FAM168B: variants seen among roughly 807,000 people sequenced by gnomAD.
FAM168B encodes the protein myelin-associated neurite-outgrowth inhibitor.
In FAM168B, 19 loss-of-function variants were observed where a neutral mutation model predicts 21.8. The ratio of observed to expected loss-of-function variants is 0.87; its 90% CI spans 0.61 to 1.28. The LOEUF (loss-of-function observed/expected upper bound fraction) is 1.28, where lower values mean the gene tolerates loss of function less well. Ranked by LOEUF, FAM168B falls within the 50% of genes most tolerant of loss-of-function variation. FAM168B has a pLI of 0.00. For synonymous variants in FAM168B, 126 were observed against 104.8 expected (o/e 1.20, Z -1.24); for missense variants, 233 against 263.1 (o/e 0.89, Z 0.79).
chr2:131,072,133 C>T (rs1315271905), intron 2 of FAM168B, among the ~76,000 whole-genome samples, 195 bp from the exon 3 acceptor site: 2 of 152,088 alleles, frequency 1.3e-5, no homozygotes, highest in African/African-American at 2.4e-5. Context: ...TTATCGTTGT[C>T]GTCTTTTGAG....
intron 3 of FAM168B, among the ~76,000 whole-genome samples, chr2:131,062,149 A>G (rs529744917): frequency 1.3e-5 from 2 of 152,332 alleles, no homozygotes; most frequent in African/African-American, 4.8e-5. Flanking sequence ...GAAAGAGCTC[A>G]GAGTGAAGAG....
chr2:131,048,652 G>C lies in FAM168B; in HGVS notation c.*3813C>G. 3 of 1,024,534 alleles carry C rather than the reference G, an allele frequency of 2.9e-6. No individual in the cohort carries two copies. Among genetic ancestry groups the C allele is most frequent in the Non-Finnish European group, 3.5e-6 (3 of 852,626 alleles). The allele number at this position is 1,024,534 out of a possible 1,614,324, so 63.5% of individuals were successfully genotyped here. ...CCCTCAGGACCTACTGATAAAGCAT[G>C]TCCTCTGCAGTATACTCAAGAGTCT... On this transcript the variant is annotated 3_prime_UTR_variant, in exon 7 of 7. Coordinates refer to ENST00000389915, the MANE Select transcript of FAM168B (RefSeq NM_001009993.4).
In FAM168B at chr2:131,048,372, C is replaced by T. The variant is rs1691422973; in HGVS notation, c.*4093G>A. 7.7e-7 allele frequency: 1 copy of T among 1,291,450 alleles called. No individual in the cohort carries two copies. The highest frequency in any genetic ancestry group is 1.5e-5 in the African/African-American group (1 of 65,632). The allele number at this position is 1,291,450 out of a possible 1,614,324, so 80.0% of individuals were successfully genotyped here. ...TGGTGAGGAGGAGACACCTGTCATG[C>T]CAGTCCTGGGAGCACACCACCCTTC... On this transcript the variant is annotated 3_prime_UTR_variant, in exon 7 of 7. Coordinates refer to ENST00000389915, the MANE Select transcript of FAM168B (RefSeq NM_001009993.4).
At chr2:131,069,572 C>CA (rs974366912) in intron 3 of FAM168B, among the ~76,000 whole-genome samples, 26 of 152,156 alleles carry the variant, frequency 1.7e-4, no homozygotes, top group African/African-American at 6.0e-4. Flanking sequence ...CGGCTCACTG[C>CA]AAGCTCCGCC....
chr2:131,060,369 T>A (rs1692233387), intron 3 of FAM168B, among the ~76,000 whole-genome samples: 1 of 152,218 alleles, frequency 6.6e-6, no homozygotes. Flanking sequence ...CAAGGCAATG[T>A]GTGAGTGGGA....
At chr2:131,092,686 C>T (rs569649106) in intron 1 of FAM168B, among the ~76,000 whole-genome samples, 29 of 152,214 alleles carry the variant, frequency 1.9e-4, no homozygotes, top group African/African-American at 6.5e-4. Context: ...GCACTGCACT[C>T]TTTTTTCAAA....
intron 1 of FAM168B, among the ~76,000 whole-genome samples, chr2:131,087,063 C>CAAAAAAAAAAA (rs70994735): frequency 4.9e-5 from 2 of 40,672 alleles, no homozygotes; most frequent in African/African-American, 5.4e-4. Context: ...GACTCCGTCT[C>CAAAAAAAAAAA]AAAAAAAAAA....
In FAM168B at chr2:131,049,776, A is replaced by G. The variant is rs995947987; in HGVS notation, c.*2689T>C. On this transcript the variant is annotated 3_prime_UTR_variant, in exon 7 of 7. Coordinates refer to ENST00000389915, the MANE Select transcript of FAM168B (RefSeq NM_001009993.4). ...AAATTAGGAATGTCAAACACACAAA[A>G]AGCAAATTTCTCAGAATGCTCCACC... The G allele has an allele frequency of 3.0e-6, 3 of 985,752 alleles. No homozygotes were observed. The highest frequency in any genetic ancestry group is 1.7e-5 in the African/African-American group (1 of 57,242). 61.1% of individuals were successfully genotyped at this position (985,752 alleles called of 1,614,324 possible).
intron 1 of FAM168B, among the ~76,000 whole-genome samples, chr2:131,089,236 G>A (rs1392883345): frequency 6.6e-6 from 1 of 151,848 alleles, no homozygotes; most frequent in Non-Finnish European, 1.5e-5. Flanking sequence ...AAAGTGCTGG[G>A]ATTACAGGCG....
At chr2:131,057,297 G>GA (rs1412574551) in intron 3 of FAM168B, among the ~76,000 whole-genome samples, 1 of 152,158 alleles carries the variant, frequency 6.6e-6, no homozygotes, top group Non-Finnish European at 1.5e-5. Context: ...ATCAACTGGA[G>GA]AAAGGATAAA....
In FAM168B at chr2:131,052,977, G is replaced by T; in HGVS notation, c.514C>A (p.Pro172Thr). Residue 172 changes from proline to threonine, a missense_variant, in exon 6 of 7, where the codon CCC (proline) becomes ACC (threonine). Pro to Thr is a conservative substitution (Grantham distance 38). Transcript: ENST00000389915. ...LTAHSPTPVAPHPVTVPTYRA... is the reference protein window; with the variant it reads ...LTAHSPTPVATHPVTVPTYRA... ...TACGTGGGCACAGTGACCGGGTGGG[G>T]GGCGACAGGAGTTGGGGAGTGAGCA... The T allele has an allele frequency of 6.4e-7, 1 of 1,559,102 alleles. No homozygotes were observed. The highest frequency in any genetic ancestry group is 1.4e-5 in the African/African-American group (1 of 73,608).
At chr2:131,072,639 A>G (rs1335687723) in intron 2 of FAM168B, among the ~76,000 whole-genome samples, 1 of 151,454 alleles carries the variant, frequency 6.6e-6, no homozygotes. Flanking sequence ...TTGTATTTTT[A>G]GTAGAGACAA....
chr2:131,084,196 C>CG (rs1350034579), intron 1 of FAM168B, among the ~76,000 whole-genome samples: 2 of 140,304 alleles, frequency 1.4e-5, no homozygotes, highest in East Asian at 2.2e-4. Context: ...TCCGCCCCCC[C>CG]CACCCCACCC....
At chr2:131,069,669 A>G (rs945463983) in intron 3 of FAM168B, among the ~76,000 whole-genome samples, 2 of 151,344 alleles carry the variant, frequency 1.3e-5, no homozygotes, top group Non-Finnish European at 2.9e-5. Context: ...AATTTTTTGT[A>G]TTTTTAGTAG....
Position 131,063,866 on chromosome 2 carries a change from CT to C in FAM168B, c.154+7988del, listed in dbSNP as rs904156640. Among the ~76,000 whole-genome samples the C allele has an allele frequency of 2.7e-3, 402 of 148,552 alleles. 8 individuals are homozygous for C. The highest frequency in any genetic ancestry group is 0.022 in the Admixed American group (328 of 14,808). On this transcript the variant is annotated intron_variant, in intron 3 of 6. Coordinates refer to ENST00000389915, the MANE Select transcript of FAM168B (RefSeq NM_001009993.4). Reference sequence around the variant, plus strand: ...AAAATAGACAGTGTGTGCTTGCCACCTTTTTTTTTTCATTCAGCACTAAGTC... The same window carrying C: ...AAAATAGACAGTGTGTGCTTGCCACCTTTTTTTTTCATTCAGCACTAAGTC...
At chr2:131,082,840 A>G (rs1381576335) in intron 1 of FAM168B, among the ~76,000 whole-genome samples, 183 bp from the exon 2 acceptor site, 1 of 152,186 alleles carries the variant, frequency 6.6e-6, no homozygotes, top group Admixed American at 6.5e-5. Flanking sequence ...TGGGTGCCAA[A>G]CCAGGGCATG....
At chr2:131,063,458 G>A (rs1399105459) in intron 3 of FAM168B, among the ~76,000 whole-genome samples, 1 of 152,154 alleles carries the variant, frequency 6.6e-6, no homozygotes, top group African/African-American at 2.4e-5. Context: ...TTTCAAGTAA[G>A]GCAAACAGGT....
At chr2:131,091,946 G>A (rs563461288) in intron 1 of FAM168B, among the ~76,000 whole-genome samples, 1 of 149,938 alleles carries the variant, frequency 6.7e-6, no homozygotes, top group East Asian at 2.0e-4. Flanking sequence ...TGGCTAACAC[G>A]GTGAAACCTC....
intron 2 of FAM168B, among the ~76,000 whole-genome samples, chr2:131,075,679 A>G (rs758604650): frequency 2.0e-5 from 3 of 151,876 alleles, no homozygotes; most frequent in East Asian, 1.9e-4. Context: ...TAGTAGAGAC[A>G]GGGTTTCACC....
Sources: allele counts gnomAD v4.1 joint callset (sites outside exome capture counted in the v4.1 genomes callset), GRCh38; gene constraint gnomAD v4.1.1; transcripts MANE v1.5; gene names NCBI Gene and HGNC (gene_info 2026-07-23, HGNC 2026-07-21).